The following ODAD4 variants were observed in gnomAD, a reference collection of about 807,000 sequenced individuals.
The protein encoded by ODAD4 is outer dynein arm docking complex subunit 4.
A neutral mutation model predicts 51.8 loss-of-function variants in ODAD4; 49 were observed. The ratio of observed to expected loss-of-function variants is 0.95; its 90% CI spans 0.75 to 1.20. The LOEUF (loss-of-function observed/expected upper bound fraction) is 1.20. Ranked by LOEUF, ODAD4 falls within the 50% of genes most tolerant of loss-of-function variation. ODAD4 has a pLI of 0.00. For synonymous variants in ODAD4, 235 were observed against 221.3 expected (o/e 1.06, Z -0.55); for missense variants, 590 against 586.5 (o/e 1.01, Z -0.06).
At chr17:41,931,575 A>G (rs2050339019) in intron 1 of ODAD4, among the ~76,000 whole-genome samples, 1 of 151,808 alleles carries the variant, frequency 6.6e-6, no homozygotes, top group African/African-American at 2.4e-5. Context: ...AAGTTTTGCT[A>G]TGTTGCCCAG....
intron 11 of ODAD4, among the ~76,000 whole-genome samples, chr17:41,962,569 G>C (rs9899099): frequency 6.6e-6 from 1 of 152,138 alleles, no homozygotes; most frequent in Non-Finnish European, 1.5e-5. Flanking sequence ...CTGTGTGCAC[G>C]GACTCATCCT....
At chr17:41,938,486 G>T in intron 5 of ODAD4, 71 bp from the exon 6 acceptor site, 1 of 1,315,768 alleles carries the variant, frequency 7.6e-7, no homozygotes, top group South Asian at 1.3e-5. Context: ...AGCGGCCACC[G>T]GGAGGAAACA....
At chr17:41,940,996 C>T (rs1432761827) in intron 7 of ODAD4, among the ~76,000 whole-genome samples, 2 of 152,212 alleles carry the variant, frequency 1.3e-5, no homozygotes, top group African/African-American at 2.4e-5. Context: ...AGACCGGAGG[C>T]TTCCCAGATA....
intron 1 of ODAD4, among the ~76,000 whole-genome samples, chr17:41,934,417 T>C (rs1372513937): frequency 6.2e-5 from 2 of 32,230 alleles, no homozygotes; most frequent in African/African-American, 1.3e-4. Context: ...AGTGGTGTGA[T>C]CATGGCTTAT....
At chr17:41,940,991 G>A (rs571191854) in intron 7 of ODAD4, among the ~76,000 whole-genome samples, 3 of 152,250 alleles carry the variant, frequency 2.0e-5, no homozygotes, top group East Asian at 1.9e-4. Context: ...CCAGAAGACC[G>A]GAGGCTTCCC....
At chr17:41,944,289 C>T (rs954201713) in intron 7 of ODAD4, among the ~76,000 whole-genome samples, 1 of 151,820 alleles carries the variant, frequency 6.6e-6, no homozygotes, top group Non-Finnish European at 1.5e-5. Flanking sequence ...ACTTGAACCC[C>T]GGAGGCGGAG....
chr17:41,949,331 C>A lies in ODAD4; in HGVS notation c.1324C>A (p.Leu442Met). The change falls in exon 9 of 12, where the codon CTG becomes ATG. Residue 442 changes from leucine (L) to methionine (M), a missense_variant. By Grantham distance (15) the Leu-to-Met change is conservative. Transcript: ENST00000377540. ...TGAGTGGCAACTGAATGCCAGTGTT[C>A]TGGTGGCCCAGGCACAAGGTATGGG... Reference protein sequence around the residue: ...DIEWQLNASVLVAQAQVKLRD... With the variant: ...DIEWQLNASVMVAQAQVKLRD... 2 of 398,688 alleles carry A rather than the reference C, an allele frequency of 5.0e-6. No homozygotes were observed. Among genetic ancestry groups the A allele is most frequent in the South Asian group, 1.3e-4 (1 of 7,848 alleles). The allele number at this position is 398,688 out of a possible 1,614,324, so 24.7% of individuals were successfully genotyped here.
In ODAD4 at chr17:41,965,019, A is replaced by G; in HGVS notation, c.1555A>G (p.Ile519Val). ...AGCTTCACTGTATGAAGATAGAATA[A>G]TAACAAGAGAGAAGGACATGAGGAG... Reference protein sequence around the residue: ...GEASLYEDRIITREKDMRRVR... With the variant: ...GEASLYEDRIVTREKDMRRVR... The change falls in exon 12 of 12, where the codon ATA becomes GTA. Residue 519 changes from isoleucine to valine, a missense_variant. Transcript: ENST00000377540. The G allele has an allele frequency of 1.4e-6, 1 of 717,022 alleles. No homozygotes were observed. The highest frequency in any genetic ancestry group is 2.6e-6 in the Non-Finnish European group (1 of 386,180). 44.4% of individuals were successfully genotyped at this position (717,022 alleles called of 1,614,324 possible).
intron 10 of ODAD4, among the ~76,000 whole-genome samples, chr17:41,958,749 G>A (rs1240110567): frequency 5.9e-5 from 9 of 152,038 alleles, no homozygotes; most frequent in Admixed American, 3.9e-4. Flanking sequence ...GTGAGGCCGG[G>A]TGCGGTGGCT....
intron 7 of ODAD4, among the ~76,000 whole-genome samples, chr17:41,939,933 A>C (rs1356019551): frequency 6.6e-6 from 1 of 152,162 alleles, no homozygotes; most frequent in Non-Finnish European, 1.5e-5. Context: ...GGCACCCTGT[A>C]GGGCAGAAGG....
chr17:41,962,736 C>T (rs187427659), intron 11 of ODAD4, among the ~76,000 whole-genome samples: 1 of 152,314 alleles, frequency 6.6e-6, no homozygotes, highest in East Asian at 1.9e-4. Context: ...TTTCTAGTGA[C>T]ACAGACAGCC....
chr17:41,953,676 G>T (rs1477092337), intron 9 of ODAD4, among the ~76,000 whole-genome samples: 8 of 151,270 alleles, frequency 5.3e-5, no homozygotes, highest in African/African-American at 1.9e-4. Context: ...TATAGAGAGA[G>T]AGAGAGAGAG....
intron 7 of ODAD4, among the ~76,000 whole-genome samples, chr17:41,941,559 C>T (rs541651262): frequency 3.3e-5 from 5 of 152,108 alleles, no homozygotes; most frequent in Admixed American, 2.6e-4. Context: ...GTCAGGAGAT[C>T]GAGACCATCC....
chr17:41,931,759 G>A (rs2050343065), intron 1 of ODAD4, among the ~76,000 whole-genome samples: 1 of 151,908 alleles, frequency 6.6e-6, no homozygotes, highest in Admixed American at 6.6e-5. Flanking sequence ...CCAGGCTGGT[G>A]TCGAACTCCT....
chr17:41,965,129 T>G lies in ODAD4; in HGVS notation c.1665T>G (p.Phe555Leu). Residue 555 changes from phenylalanine (F) to leucine (L), a missense_variant, in exon 12 of 12, where the codon TTT becomes TTG. Physicochemically the swap from Phe to Leu is conservative, Grantham distance 22. Around this residue, in one of 3 missense-constraint regions of ODAD4, gnomAD observed 226 missense variants for 162.7 expected, o/e 1.39. Transcript: ENST00000377540. The part of the protein sequence containing the change: ...EKETDEDDEA[F>L]GEALQSPASG... ...AGACAGATGAGGACGATGAGGCTTT[T>G]GGGGAAGCTCTGCAGAGCCCAGCAA... 1 of 773,724 alleles carries G rather than the reference T, an allele frequency of 1.3e-6. No individual in the cohort carries two copies. The highest frequency in any genetic ancestry group is 2.4e-6 in the Non-Finnish European group (1 of 414,834). 47.9% of individuals were successfully genotyped at this position (773,724 alleles called of 1,614,324 possible).
Position 41,945,172 on chromosome 17 carries a change from C to G in ODAD4, c.1095C>G (p.Asn365Lys). The G allele has an allele frequency of 1.2e-6, 2 of 1,613,422 alleles. No individual in the cohort carries two copies. Among genetic ancestry groups the G allele is most frequent in the Non-Finnish European group, 1.7e-6 (2 of 1,179,710 alleles). Reference protein sequence around the residue: ...LPDAKSRALDNIGRVFARVGK... With the variant: ...LPDAKSRALDKIGRVFARVGK... The stretch of plus-strand genomic sequence containing the variant: ...ATGCAAAATCGAGAGCCCTTGACAA[C>G]ATTGGCAGAGTTTTTGCCAGAGTTG... The change falls in exon 8 of 12, where the codon AAC (asparagine) becomes AAG (lysine). Residue 365 changes from asparagine (N) to lysine (K), a missense_variant. Asn to Lys is a moderately conservative substitution (Grantham distance 94). Coordinates refer to ENST00000377540, the MANE Select transcript of ODAD4 (RefSeq NM_031421.5).
intron 1 of ODAD4, among the ~76,000 whole-genome samples, chr17:41,934,445 A>G (rs1157055649): frequency 1.3e-5 from 2 of 151,694 alleles, no homozygotes; most frequent in African/African-American, 4.8e-5. Flanking sequence ...CGACCTCTCC[A>G]GGTTCAAGCA....
At chr17:41,959,057 A>G (rs2067170644) in intron 10 of ODAD4, among the ~76,000 whole-genome samples, 1 of 152,160 alleles carries the variant, frequency 6.6e-6, no homozygotes, top group African/African-American at 2.4e-5. Flanking sequence ...GTGCTACATA[A>G]TACAGATCTA....
intron 7 of ODAD4, among the ~76,000 whole-genome samples, chr17:41,943,129 C>A (rs1471388310): frequency 1.3e-5 from 2 of 152,186 alleles, no homozygotes; most frequent in Non-Finnish European, 2.9e-5. Context: ...CAACCCACTT[C>A]CCGTCACTTC....
Sources: gnomAD v4.1 joint callset for allele counts (sites outside exome capture counted in the v4.1 genomes callset) on GRCh38, gnomAD v4.1.1 for gene constraint, gnomAD v4.1.1 regional missense constraint, MANE v1.5 for transcripts, NCBI Gene and HGNC (gene_info 2026-07-23, HGNC 2026-07-21) for gene names.